The following NRDC variants were observed in gnomAD, a reference collection of about 807,000 sequenced individuals.
The protein encoded by NRDC is nardilysin convertase.
Under a neutral mutation model 147.1 loss-of-function variants are expected in NRDC, and 54 were observed. The ratio of observed to expected loss-of-function variants is 0.37; its 90% CI spans 0.29 to 0.46. NRDC has a LOEUF of 0.46. Ranked by LOEUF, NRDC falls within the 20% of genes least tolerant of loss-of-function variation. The pLI is 1.00. For synonymous variants in NRDC, 440 were observed against 482.1 expected (o/e 0.91, Z 1.14); for missense variants, 1,082 against 1,370.6 (o/e 0.79, Z 3.33).
intron 5 of NRDC, 114 bp downstream of exon 5, chr1:51,827,682 T>C: frequency 2.7e-6 from 2 of 742,310 alleles, no homozygotes; most frequent in Non-Finnish European, 4.6e-6. Flanking sequence ...TATTTCAATT[T>C]AGTCCTTTAA....
chr1:51,817,456 G>C (rs1680023856), intron 10 of NRDC, among the ~76,000 whole-genome samples: 2 of 152,210 alleles, frequency 1.3e-5, no homozygotes, highest in Non-Finnish European at 2.9e-5. Flanking sequence ...CAGACAAGTA[G>C]AACTCCTTTC....
intron 9 of NRDC, among the ~76,000 whole-genome samples, chr1:51,818,450 G>A (rs1469762031): frequency 6.6e-6 from 1 of 152,184 alleles, no homozygotes; most frequent in Non-Finnish European, 1.5e-5. Context: ...CTGAAATTCA[G>A]TCCTACCACT....
At chr1:51,872,572 G>A (rs1373775839) in intron 1 of NRDC, among the ~76,000 whole-genome samples, 1 of 152,094 alleles carries the variant, frequency 6.6e-6, no homozygotes, top group African/African-American at 2.4e-5. Context: ...GCATGATGGT[G>A]TGCACATGTA....
intron 4 of NRDC, among the ~76,000 whole-genome samples, chr1:51,829,132 G>T (rs958764012): frequency 1.3e-5 from 2 of 151,434 alleles, no homozygotes; most frequent in Non-Finnish European, 2.9e-5. Flanking sequence ...GGCACATCAC[G>T]GCTCACTGGA....
chr1:51,833,237 G>C (rs553760697), intron 4 of NRDC, among the ~76,000 whole-genome samples: 5 of 152,066 alleles, frequency 3.3e-5, no homozygotes. Context: ...GAGGCAGGAG[G>C]ATCACTTGAG....
chr1:51,798,012 C>T, intron 22 of NRDC: 1 of 454,082 alleles, frequency 2.2e-6, no homozygotes, highest in Non-Finnish European at 4.0e-6. Context: ...TTAAGTAATG[C>T]TTCTGCCTTG....
chr1:51,848,982 A>G (rs1274044290), intron 1 of NRDC, among the ~76,000 whole-genome samples: 2 of 152,210 alleles, frequency 1.3e-5, no homozygotes, highest in African/African-American at 2.4e-5. Context: ...GGTGAAATGA[A>G]AGACCTCACT....
intron 1 of NRDC, among the ~76,000 whole-genome samples, chr1:51,876,738 G>A (rs1683346374): frequency 6.6e-6 from 1 of 152,206 alleles, no homozygotes. Context: ...GGTTGGTCCT[G>A]AACTTGGAGC....
chr1:51,789,797 C>G (rs756308462), intron 29 of NRDC, 140 bp from the exon 30 acceptor site: 4 of 630,484 alleles, frequency 6.3e-6, no homozygotes, highest in Non-Finnish European at 1.1e-5. Flanking sequence ...TACCCCTAAC[C>G]TTCCAGACCA....
intron 27 of NRDC, among the ~76,000 whole-genome samples, 196 bp from the exon 28 acceptor site, chr1:51,791,186 A>C (rs1361915318): frequency 2.0e-5 from 3 of 151,876 alleles, no homozygotes; most frequent in Non-Finnish European, 4.4e-5. Context: ...CCTCCCCCTC[A>C]CCCCACCTCC....
At chr1:51,807,234 A>C (rs1408296283) in intron 17 of NRDC, among the ~76,000 whole-genome samples, 1 of 152,256 alleles carries the variant, frequency 6.6e-6, no homozygotes, top group Non-Finnish European at 1.5e-5. Context: ...TTTATTAAAC[A>C]ATCCATTAAT....
chr1:51,828,676 T>C (rs1230624598), intron 4 of NRDC, among the ~76,000 whole-genome samples: 2 of 151,420 alleles, frequency 1.3e-5, no homozygotes, highest in East Asian at 3.9e-4. Context: ...TCCAGCAAAA[T>C]AGAATGATTT....
chr1:51,855,266 C>G (rs1682177125), intron 1 of NRDC, among the ~76,000 whole-genome samples: 1 of 152,132 alleles, frequency 6.6e-6, no homozygotes, highest in African/African-American at 2.4e-5. Context: ...GCATTAGCTA[C>G]CTGGTCCTCT....
intron 2 of NRDC, 27 bp downstream of exon 2, chr1:51,840,199 T>C: frequency 1.3e-6 from 2 of 1,549,602 alleles, no homozygotes; most frequent in Non-Finnish European, 1.7e-6. Context: ...AATTCCCAAA[T>C]TAGAAGAAAA....
intron 4 of NRDC, among the ~76,000 whole-genome samples, chr1:51,832,951 T>C (rs1680783824): frequency 6.6e-6 from 1 of 152,142 alleles, no homozygotes; most frequent in Non-Finnish European, 1.5e-5. Context: ...ATACAATCAC[T>C]AAAAATCATG....
At chr1:51,794,925 A>C (rs1678825850) in intron 22 of NRDC, 71 bp from the exon 23 acceptor site, 1 of 1,602,078 alleles carries the variant, frequency 6.2e-7, no homozygotes. Context: ...AGCTAATATC[A>C]ATGTTCCAAT....
intron 1 of NRDC, among the ~76,000 whole-genome samples, chr1:51,868,946 TTC>T (rs968080631): frequency 3.9e-5 from 6 of 152,084 alleles, no homozygotes; most frequent in South Asian, 2.1e-4. Context: ...TTATGGAGAA[TTC>T]TCTCTTTTTG....
chr1:51,878,510 A>G lies in NRDC; in HGVS notation c.106T>C (p.Cys36Arg). The change falls in exon 1 of 31, where the codon TGC becomes CGC. Residue 36 changes from cysteine (C) to arginine (R), a missense_variant. Cys to Arg is a radical substitution (Grantham distance 180). Coordinates refer to ENST00000352171, the MANE Select transcript of NRDC (RefSeq NM_001101662.2). ...ALWGIETRGR[C>R]EDSAAARPFP... Reference sequence around the variant, plus strand: ...GGTCTGGCAGCAGCAGAGTCTTCGCACCGACCCCGCGTTTCGATTCCCCAG... The same window carrying G: ...GGTCTGGCAGCAGCAGAGTCTTCGCGCCGACCCCGCGTTTCGATTCCCCAG... The G allele has an allele frequency of 1.2e-6, 2 of 1,613,766 alleles. No individual in the cohort carries two copies. Among genetic ancestry groups the G allele is most frequent in the South Asian group, 2.2e-5 (2 of 91,058 alleles).
intron 1 of NRDC, among the ~76,000 whole-genome samples, chr1:51,859,601 C>T (rs1682428914): frequency 6.6e-6 from 1 of 152,138 alleles, no homozygotes; most frequent in Admixed American, 6.6e-5. Flanking sequence ...TACAGCTGTG[C>T]GTAAATTCAG....
Sources: gnomAD v4.1 joint callset for allele counts (sites outside exome capture counted in the v4.1 genomes callset) on GRCh38, gnomAD v4.1.1 for gene constraint, MANE v1.5 for transcripts, NCBI Gene and HGNC (gene_info 2026-07-23, HGNC 2026-07-21) for gene names.